Variants in TEPSIN observed in about 807,000 individuals in gnomAD.
The protein encoded by TEPSIN is AP-4 complex accessory subunit tepsin.
A neutral mutation model predicts 48.5 loss-of-function variants in TEPSIN; 50 were observed. The observed-to-expected ratio is 1.03, with a 90% CI of 0.82 to 1.31. TEPSIN has a LOEUF of 1.31. TEPSIN is among the 50% of genes most tolerant of loss of function. The pLI, the probability that TEPSIN is intolerant of heterozygous loss-of-function variation, is 0.00. For synonymous variants in TEPSIN, 392 were observed against 358.8 expected (o/e 1.09, Z -1.05); for missense variants, 838 against 815.9 (o/e 1.03, Z -0.33).
chr17:81,233,874 G>A lies in TEPSIN; in HGVS notation c.375+107C>T, dbSNP rs2146840405. The A allele has an allele frequency of 2.2e-6, 3 of 1,390,110 alleles. No individual in the cohort carries two copies. Among genetic ancestry groups the A allele is most frequent in the South Asian group, 1.4e-5 (1 of 72,554 alleles). 86.1% of individuals were successfully genotyped at this position (1,390,110 alleles called of 1,614,324 possible). A position where few individuals can be genotyped will look rare whatever the true frequency, so the allele number is the denominator to read the frequency against. On this transcript the variant is annotated intron_variant, in intron 5 of 12. Transcript: ENST00000637944. This position sits in a 1 kb window ranked among gnomAD's most constrained non-coding sequence, Gnocchi z 5.8. ...CCACCAGCAAGGAGCAGAGGCAGGG[G>A]TCCCGGATGGGAGAACTGCAAACCC...
rs1313917072 is a variant in TEPSIN, at chr17:81,232,479, G to A, written c.566C>T (p.Ala189Val). The A allele has an allele frequency of 9.8e-6, 15 of 1,534,584 alleles. No homozygotes were observed. Among genetic ancestry groups the A allele is most frequent in the Admixed American group, 2.0e-5 (1 of 50,962 alleles). Residue 189 changes from alanine (A) to valine (V), a missense_variant, in exon 8 of 13, where the codon GCC (alanine) becomes GTC (valine). Ala to Val is a moderately conservative substitution (Grantham distance 64). Transcript: ENST00000637944. ...CATGGCGCTGGCCACCACCTCTGCG[G>A]CCTTCTGGATGGTGGAGAGGAAGGC... is the stretch of plus-strand genomic sequence containing the variant. ...GEAFLSTIQK[A>V]AEVVASAMRP...
In TEPSIN at chr17:81,236,775, GCA is replaced by G. The variant is rs758919013; in HGVS notation, c.238_239del (p.Cys80GlnfsTer134). On this transcript the variant is annotated frameshift_variant, in exon 4 of 13. Coordinates refer to ENST00000637944, the MANE Select transcript of TEPSIN (RefSeq NM_001363764.2). LOFTEE classifies it high-confidence loss of function. ...GCAGGAAGAAGGAGGAGCCGTGGCT[GCA>G]CAGATAGAGCAGGATCTTCAGCACC... ...LKVLKILLYL[C>X]SHGSSFFLLI... is the part of the protein sequence containing the mutation. 4 of 1,571,138 alleles carry G rather than the reference GCA, an allele frequency of 2.5e-6. No individual in the cohort carries two copies. The South Asian group carries it at 3.5e-5, about 14-fold the overall frequency.
chr17:81,234,330 C>G lies in TEPSIN; in HGVS notation c.308-282G>C. ...CCCCTGGTGCCTGAGCGGGTGTGGC[C>G]TCCCCGAAGCCCACTCTCCCTGCCC... On this transcript the variant is annotated intron_variant, in intron 4 of 12. Coordinates refer to ENST00000637944, the MANE Select transcript of TEPSIN (RefSeq NM_001363764.2). This position sits in a 1 kb window ranked among gnomAD's most constrained non-coding sequence, Gnocchi z 5.4. 1 of 328,346 alleles carries G rather than the reference C, an allele frequency of 3.0e-6. No homozygotes were observed. The highest frequency in any genetic ancestry group is 5.5e-6 in the Non-Finnish European group (1 of 180,984). 20.3% of individuals were successfully genotyped at this position (328,346 alleles called of 1,614,324 possible).
At position 81,232,437 on chromosome 17, in the gene TEPSIN, C is replaced by T. The variant is rs572927060; in HGVS notation, c.608G>A (p.Ser203Asn). 6.5e-7 allele frequency: 1 copy of T among 1,535,750 alleles called. No homozygotes were observed. Among genetic ancestry groups the T allele is most frequent in the Non-Finnish European group, 8.7e-7 (1 of 1,146,690 alleles). Residue 203 changes from serine (S) to asparagine (N), a missense_variant, in exon 8 of 13, where the codon AGT becomes AAT. By Grantham distance (46) the Ser-to-Asn change is conservative. Coordinates refer to ENST00000637944, the MANE Select transcript of TEPSIN (RefSeq NM_001363764.2). ...VASAMRPGPE[S>N]PSTRRLLPRG... Reference sequence around the variant, plus strand: ...CGGCAGGAGCCTCCGGGTACTGGGACTCTCGGGCCCGGGGCGCATGGCGCT... The same window carrying T: ...CGGCAGGAGCCTCCGGGTACTGGGATTCTCGGGCCCGGGGCGCATGGCGCT...
In TEPSIN at chr17:81,229,289, G is replaced by A. The variant is rs1399643364; in HGVS notation, c.1421C>T (p.Pro474Leu). The A allele has an allele frequency of 6.3e-7, 1 of 1,576,440 alleles. No homozygotes were observed. The highest frequency in any genetic ancestry group is 1.8e-5 in the Admixed American group (1 of 54,466). ...STPVSSRSPA[P>L]SSGMPSSPVP... ...AGGGCTGGACGGCATCCCAGATGAGGGAGCAGGGCTCCGGGACGAGACCGG... is the reference window on the plus strand; with the variant it reads ...AGGGCTGGACGGCATCCCAGATGAGAGAGCAGGGCTCCGGGACGAGACCGG... Residue 474 changes from proline (P) to leucine (L), a missense_variant, in exon 13 of 13, where the codon CCC (proline) becomes CTC (leucine). By Grantham distance (98) the Pro-to-Leu change is moderately conservative. Coordinates refer to ENST00000637944, the MANE Select transcript of TEPSIN (RefSeq NM_001363764.2).
At position 81,234,143 on chromosome 17, in the gene TEPSIN, A is replaced by G; in HGVS notation, c.308-95T>C. On this transcript the variant is annotated intron_variant, in intron 4 of 12. Transcript: ENST00000637944. This position sits in a 1 kb window ranked among gnomAD's most constrained non-coding sequence, Gnocchi z 5.4. ...GCCCTGGGCCCACTCCAGGGTGGCAAGTTCCTGCCACCAAGGCCCTTCTGT... is the reference window on the plus strand; with the variant it reads ...GCCCTGGGCCCACTCCAGGGTGGCAGGTTCCTGCCACCAAGGCCCTTCTGT... The G allele has an allele frequency of 3.5e-6, 4 of 1,135,772 alleles. No homozygotes were observed. Among genetic ancestry groups the G allele is most frequent in the South Asian group, 1.7e-5 (1 of 57,260 alleles). The allele number at this position is 1,135,772 out of a possible 1,614,324, so 70.4% of individuals were successfully genotyped here.
chr17:81,231,811 G>C (rs371525147), intron 9 of TEPSIN, 36 bp downstream of exon 9: 1 of 1,609,776 alleles, frequency 6.2e-7, no homozygotes, highest in East Asian at 2.2e-5. Flanking sequence ...TGGTGCCTCC[G>C]AGACCTCTCC....
At chr17:81,237,977 A>C (rs761994881) in intron 1 of TEPSIN, 94 of 999,762 alleles carry the variant, frequency 9.4e-5, no homozygotes, top group Non-Finnish European at 1.1e-4. Flanking sequence ...GCGCAGACGT[A>C]CTTATTTGTT....
At position 81,228,427 on chromosome 17, in the gene TEPSIN, C is replaced by G; in HGVS notation, c.*501G>C. The G allele has an allele frequency of 5.0e-6, 1 of 199,036 alleles. No individual in the cohort carries two copies. Among genetic ancestry groups the G allele is most frequent in the South Asian group, 7.7e-5 (1 of 13,008 alleles). 12.3% of individuals were successfully genotyped at this position (199,036 alleles called of 1,614,324 possible). A position where few individuals can be genotyped will look rare whatever the true frequency, so the allele number is the denominator to read the frequency against. On this transcript the variant is annotated 3_prime_UTR_variant, in exon 13 of 13. Coordinates refer to ENST00000637944, the MANE Select transcript of TEPSIN (RefSeq NM_001363764.2). The stretch of plus-strand genomic sequence containing the variant: ...GCAGGTGAGAGCCAGGGAAGGATCA[C>G]GTAGGGATCTGAGACTTGAAATGGC...
chr17:81,234,119 C>A lies in TEPSIN; in HGVS notation c.308-71G>T, dbSNP rs2062678925. ...CCGCTGCTCCCTGTGGAGCACGGTG[C>A]CCTGGGCCCACTCCAGGGTGGCAAG... On this transcript the variant is annotated intron_variant, in intron 4 of 12. Transcript: ENST00000637944. The surrounding 1 kb of genome is among the most constrained non-coding windows in gnomAD (Gnocchi z 5.4). 1 of 1,391,350 alleles carries A rather than the reference C, an allele frequency of 7.2e-7. No homozygotes were observed. The highest frequency in any genetic ancestry group is 1.5e-5 in the South Asian group (1 of 66,472). The allele number at this position is 1,391,350 out of a possible 1,614,324, so 86.2% of individuals were successfully genotyped here.
chr17:81,229,685 C>T (rs1021960266), intron 12 of TEPSIN: 41 of 602,272 alleles, frequency 6.8e-5, no homozygotes, highest in Admixed American at 4.1e-4. Context: ...GCTGGCGACA[C>T]GGGGCAGGTG....
rs770371629 is a variant in TEPSIN, at chr17:81,232,334, C to T, written c.711G>A (p.Gly237=). The change falls in exon 8 of 13, where the codon GGG becomes GGA. Residue 237 remains glycine, a synonymous_variant. Coordinates refer to ENST00000637944, the MANE Select transcript of TEPSIN (RefSeq NM_001363764.2). ...GPPTLGNLLP[G]AIPGPRAVRH... is the part of the protein sequence containing the mutation. ...CGATACCTCGGGGACCTGGAATGGC[C>T]CCGGGGAGTAGGTTCCCCAGGGTTG... 3.3e-6 allele frequency: 5 copies of T among 1,533,416 alleles called. No individual in the cohort carries two copies. The East Asian group carries it at 1.2e-4, about 38-fold the overall frequency. The allele number at this position is 1,533,416 out of a possible 1,614,324, so 95.0% of individuals were successfully genotyped here.
At position 81,236,751 on chromosome 17, in the gene TEPSIN, C is replaced by G; in HGVS notation, c.264G>C (p.Leu88=). 1 of 1,574,970 alleles carries G rather than the reference C, an allele frequency of 6.3e-7. No homozygotes were observed. Residue 88 remains leucine (L), a synonymous_variant, in exon 4 of 13, where the codon CTG becomes CTC. Coordinates refer to ENST00000637944, the MANE Select transcript of TEPSIN (RefSeq NM_001363764.2). ...AGGCAGAGTTGCGTTTGAGGATGAG[C>G]AGGAAGAAGGAGGAGCCGTGGCTGC... is the stretch of plus-strand genomic sequence containing the variant. The part of the protein sequence containing the change: ...YLCSHGSSFF[L]LILKRNSAFI...
At chr17:81,231,502 C>A in intron 10 of TEPSIN, 26 bp from the exon 11 acceptor site, 1 of 1,564,226 alleles carries the variant, frequency 6.4e-7, no homozygotes, top group Non-Finnish European at 8.7e-7. Context: ...ACCTGGGTGG[C>A]GGGTGCGGCC....
At position 81,228,997 on chromosome 17, in the gene TEPSIN, C is replaced by T. The variant is rs548879060; in HGVS notation, c.1713G>A (p.Ser571=). The T allele has an allele frequency of 8.1e-6, 13 of 1,613,618 alleles. No homozygotes were observed. The highest frequency in any genetic ancestry group is 5.3e-5 in the African/African-American group (4 of 75,010). The part of the protein sequence containing the change: ...CPDAPRAPQT[S]SQRTAAKEPP... ...GCTCTTTGGCTGCTGTCCTCTGGGA[C>T]GATGTTTGGGGGGCGCGGGGAGCAT... is the stretch of plus-strand genomic sequence containing the variant. The change falls in exon 13 of 13, where the codon TCG becomes TCA. Residue 571 remains serine (S), a synonymous_variant. Coordinates refer to ENST00000637944, the MANE Select transcript of TEPSIN (RefSeq NM_001363764.2).
At chr17:81,237,273 A>G in intron 2 of TEPSIN, 114 bp downstream of exon 2, 2 of 1,327,746 alleles carry the variant, frequency 1.5e-6, no homozygotes, top group Non-Finnish European at 2.1e-6. Context: ...GGTTACAATA[A>G]TAAAGGAGCC....
At position 81,228,788 on chromosome 17, in the gene TEPSIN, G is replaced by A; in HGVS notation, c.*140C>T. On this transcript the variant is annotated 3_prime_UTR_variant, in exon 13 of 13. Transcript: ENST00000637944. Reference sequence around the variant, plus strand: ...CAGAGCCTCTGGCAGAGGAGATGGGGGAAACTGAGGTAGCCCTAGGGTCGT... The same window carrying A: ...CAGAGCCTCTGGCAGAGGAGATGGGAGAAACTGAGGTAGCCCTAGGGTCGT... 9.8e-7 allele frequency: 1 copy of A among 1,016,502 alleles called. No homozygotes were observed. Among genetic ancestry groups the A allele is most frequent in the Non-Finnish European group, 1.4e-6 (1 of 694,008 alleles). 63.0% of individuals were successfully genotyped at this position (1,016,502 alleles called of 1,614,324 possible).
In TEPSIN at chr17:81,229,129, G is replaced by A. The variant is rs1192434636; in HGVS notation, c.1581C>T (p.Gly527=). ...CGCGGCTCCACGCACAGCTGCTGGG[G>A]CCTCTCTTTGGGCTGTCCGTGCCCC... ...IPGGTDSPKR[G]PSSCAWSRDS... Residue 527 remains glycine (G), a synonymous_variant, in exon 13 of 13, where the codon GGC becomes GGT. Coordinates refer to ENST00000637944, the MANE Select transcript of TEPSIN (RefSeq NM_001363764.2). 6.8e-6 allele frequency: 11 copies of A among 1,612,920 alleles called. No homozygotes were observed. The highest frequency in any genetic ancestry group is 2.7e-5 in the African/African-American group (2 of 74,758).
rs191704714 is a variant in TEPSIN, at chr17:81,233,779, A to T, written c.376-63T>A. The T allele has an allele frequency of 1.5e-4, 220 of 1,492,022 alleles. 1 individual carries two copies. The East Asian group carries it at 5.2e-3, about 35-fold the overall frequency. 92.4% of individuals were successfully genotyped at this position (1,492,022 alleles called of 1,614,324 possible). A position where few individuals can be genotyped will look rare whatever the true frequency, so the allele number is the denominator to read the frequency against. ...CAGGGCCTGCTGTACTCACCCTGCC[A>T]CCCATATCAGCTCCGTTCTGTCCCC... On this transcript the variant is annotated intron_variant, in intron 5 of 12. Coordinates refer to ENST00000637944, the MANE Select transcript of TEPSIN (RefSeq NM_001363764.2). The surrounding 1 kb of genome is among the most constrained non-coding windows in gnomAD (Gnocchi z 5.8).
Sources: gnomAD v4.1 joint callset for allele counts on GRCh38, gnomAD v4.1.1 for gene constraint, Gnocchi (gnomAD v3.1) non-coding constraint, MANE v1.5 for transcripts, NCBI Gene and HGNC (gene_info 2026-07-23, HGNC 2026-07-21) for gene names.